TMEM177: variants seen among roughly 807,000 people sequenced by gnomAD.
The protein encoded by TMEM177 is transmembrane protein 177.
Under a neutral mutation model 14.2 loss-of-function variants are expected in TMEM177, and 4 were observed. That is an observed-to-expected ratio of 0.28 (90% confidence interval 0.14 to 0.64). The LOEUF (loss-of-function observed/expected upper bound fraction) is 0.64, where lower values mean the gene tolerates loss of function less well. Ranked by LOEUF, TMEM177 falls within the 30% of genes least tolerant of loss-of-function variation. TMEM177 has a pLI of 0.82. For missense variants in TMEM177, 344 were observed against 405.2 expected (o/e 0.85, Z 1.30); for synonymous variants, 179 against 174.5 (o/e 1.03, Z -0.20).
Position 119,681,772 on chromosome 2 carries a change from A to AATTTTTTTAATG in TMEM177, c.921_922insTTTTTTAATGAT (p.Asn307_Pro308insPhePheAsnAsp). On this transcript the variant is annotated inframe_insertion, in exon 2 of 2. Coordinates refer to ENST00000272521, the MANE Select transcript of TMEM177 (RefSeq NM_030577.3). ...GCTGCAGATGTGGAGGGGGATGCTCAATCCGGGCCGCTCCTGATGGGCTCA... is the reference window on the plus strand; with the variant it reads ...GCTGCAGATGTGGAGGGGGATGCTCAATTTTTTTAATGATCCGGGCCGCTCCTGATGGGCTCA... 6.2e-7 allele frequency: 1 copy of AATTTTTTTAATG among 1,613,354 alleles called. No homozygotes were observed. Among genetic ancestry groups the AATTTTTTTAATG allele is most frequent in the Admixed American group, 1.7e-5 (1 of 59,990 alleles).
rs1002073620 is a variant in TMEM177, at chr2:119,681,944, A to G, written c.*155A>G. 4 of 664,776 alleles carry G rather than the reference A, an allele frequency of 6.0e-6. No individual in the cohort carries two copies. The highest frequency in any genetic ancestry group is 3.6e-5 in the African/African-American group (2 of 54,878). The allele number at this position is 664,776 out of a possible 1,614,324, so 41.2% of individuals were successfully genotyped here. On this transcript the variant is annotated 3_prime_UTR_variant, in exon 2 of 2. Coordinates refer to ENST00000272521, the MANE Select transcript of TMEM177 (RefSeq NM_030577.3). ...TTAGATTGTACTATAACCACTACTTATGAACTCAGGGACTATGAGGGACTA... is the reference window on the plus strand; with the variant it reads ...TTAGATTGTACTATAACCACTACTTGTGAACTCAGGGACTATGAGGGACTA...
the TMEM177 span, among the ~76,000 whole-genome samples, chr2:119,709,653 G>A: frequency 1.3e-5 from 2 of 152,078 alleles, no homozygotes; most frequent in Admixed American, 6.5e-5. Flanking sequence ...GTGAAACCCC[G>A]TCTCTACTAA....
the TMEM177 span, among the ~76,000 whole-genome samples, chr2:119,711,601 G>C: frequency 1.5e-4 from 23 of 152,238 alleles, no homozygotes; most frequent in African/African-American, 5.1e-4. Context: ...ATACTGATAG[G>C]CTTCTCCCTT....
At chr2:119,718,097 A>T in the TMEM177 span, among the ~76,000 whole-genome samples, 51 of 152,318 alleles carry the variant, frequency 3.3e-4, no homozygotes, top group East Asian at 8.5e-3. Flanking sequence ...GCAGGCAGGA[A>T]TCAGAAGCAG....
At chr2:119,702,321 A>T in the TMEM177 span, among the ~76,000 whole-genome samples, 2 of 152,348 alleles carry the variant, frequency 1.3e-5, no homozygotes, top group African/African-American at 4.8e-5. Flanking sequence ...CACCAATGTA[A>T]CAAGTGAAGG....
At chr2:119,697,297 A>T in the TMEM177 span, among the ~76,000 whole-genome samples, 1 of 152,246 alleles carries the variant, frequency 6.6e-6, no homozygotes, top group African/African-American at 2.4e-5. Flanking sequence ...GCTGTGGCTC[A>T]TGCCTGCAAT....
At chr2:119,710,335 G>T in the TMEM177 span, among the ~76,000 whole-genome samples, 1 of 152,182 alleles carries the variant, frequency 6.6e-6, no homozygotes, top group Non-Finnish European at 1.5e-5. Flanking sequence ...CTCAGTCAAG[G>T]GAGGCACTGC....
downstream of TMEM177, among the ~76,000 whole-genome samples, chr2:119,687,627 C>T (rs114173759): frequency 0.014 from 2,140 of 152,174 alleles, 22 homozygotes; most frequent in Non-Finnish European, 0.021. Context: ...AGGTCCCTCC[C>T]GTGATACATA....
At chr2:119,722,511 C>T in the TMEM177 span, among the ~76,000 whole-genome samples, 3 of 152,136 alleles carry the variant, frequency 2.0e-5, no homozygotes, top group African/African-American at 7.2e-5. Context: ...ATCCTAAGTT[C>T]AATACTTACC....
In TMEM177 at chr2:119,681,424, C is replaced by T. The variant is rs1366324199; in HGVS notation, c.571C>T (p.Leu191=). ...ACTGGGCGTGGGTGCCAAGTACACC[C>T]TGGGGCTCCATGCAGGCCCCATGAA... ...WALGVGAKYT[L]GLHAGPMNLR... is the part of the protein sequence containing the mutation. Residue 191 remains leucine, a synonymous_variant, in exon 2 of 2, where the codon CTG becomes TTG. Coordinates refer to ENST00000272521, the MANE Select transcript of TMEM177 (RefSeq NM_030577.3). 6.2e-7 allele frequency: 1 copy of T among 1,614,006 alleles called. No homozygotes were observed. Among genetic ancestry groups the T allele is most frequent in the Admixed American group, 1.7e-5 (1 of 60,034 alleles).
At chr2:119,713,922 TCCATTTTCTATGGACTGTC>T in the TMEM177 span, among the ~76,000 whole-genome samples, 3 of 152,230 alleles carry the variant, frequency 2.0e-5, no homozygotes, top group Admixed American at 2.0e-4. Context: ...AGGCTCCATC[TCCATTTTCTATGGACTGTC>T]TTCCCTCCTG....
rs1365657533 is a variant in TMEM177 at position 119,681,163 on chromosome 2, G to A, written c.310G>A (p.Val104Met). 1.2e-6 allele frequency: 2 copies of A among 1,614,238 alleles called. No individual in the cohort carries two copies. The highest frequency in any genetic ancestry group is 8.5e-7 in the Non-Finnish European group (1 of 1,180,046). The change falls in exon 2 of 2, where the codon GTG becomes ATG. Residue 104 changes from valine to methionine, a missense_variant. Transcript: ENST00000272521. ...GFPRLPAGAV[V>M]GIPASFLGDL... is the part of the protein sequence containing the mutation. ...CCCAAGACTCCCTGCTGGGGCTGTGGTGGGCATCCCTGCCAGTTTCTTGGG... is the reference window on the plus strand; with the variant it reads ...CCCAAGACTCCCTGCTGGGGCTGTGATGGGCATCCCTGCCAGTTTCTTGGG...
the TMEM177 span, among the ~76,000 whole-genome samples, chr2:119,694,585 A>G: frequency 1.3e-5 from 2 of 152,156 alleles, no homozygotes; most frequent in African/African-American, 2.4e-5. Context: ...CACTGTCCCC[A>G]TCCTCCTCCT....
the TMEM177 span, among the ~76,000 whole-genome samples, chr2:119,694,759 G>A: frequency 6.6e-6 from 1 of 152,232 alleles, no homozygotes; most frequent in African/African-American, 2.4e-5. Flanking sequence ...AGGGTGGCGG[G>A]GAGCAGAGCC....
the TMEM177 span, among the ~76,000 whole-genome samples, chr2:119,706,297 A>G: frequency 1.3e-5 from 2 of 152,026 alleles, no homozygotes; most frequent in African/African-American, 4.8e-5. Flanking sequence ...AAGTGCTGGG[A>G]TTACAGGCGT....
At chr2:119,710,753 G>A in the TMEM177 span, among the ~76,000 whole-genome samples, 1 of 152,146 alleles carries the variant, frequency 6.6e-6, no homozygotes, top group Admixed American at 6.5e-5. Flanking sequence ...GGGACTACAG[G>A]CGCCCCCACC....
the TMEM177 span, among the ~76,000 whole-genome samples, chr2:119,694,451 T>C: frequency 6.6e-6 from 1 of 152,146 alleles, no homozygotes; most frequent in Non-Finnish European, 1.5e-5. Context: ...GAAGCAGAGG[T>C]GTGGGGAGAG....
the TMEM177 span, among the ~76,000 whole-genome samples, chr2:119,713,410 A>C: frequency 6.6e-6 from 1 of 152,170 alleles, no homozygotes; most frequent in African/African-American, 2.4e-5. Context: ...AGGGGTAAAA[A>C]GAGGTCCATA....
downstream of TMEM177, chr2:119,685,851 T>C (rs191545382): frequency 5.6e-5 from 34 of 609,740 alleles, no homozygotes; most frequent in Admixed American, 1.5e-4. Context: ...CTTTTCCTCA[T>C]GCTGGGTTAG....
Sources: allele counts gnomAD v4.1 joint callset (sites outside exome capture counted in the v4.1 genomes callset), GRCh38; gene constraint gnomAD v4.1.1; transcripts MANE v1.5; gene names NCBI Gene and HGNC (gene_info 2026-07-23, HGNC 2026-07-21).